Variants in FRMD4A observed in about 807,000 individuals in gnomAD.
The protein encoded by FRMD4A is FERM domain-containing protein 4A.
Under a neutral mutation model 129.1 loss-of-function variants are expected in FRMD4A, and 29 were observed. The observed-to-expected ratio is 0.22, with a 90% confidence interval of 0.17 to 0.31. The LOEUF (loss-of-function observed/expected upper bound fraction) is 0.31, where lower values mean the gene tolerates loss of function less well. Among genes scored for constraint, FRMD4A ranks in the 10% least tolerant of loss-of-function variants. The pLI is 1.00. For missense variants in FRMD4A, 1,272 were observed against 1,375.8 expected, an observed-to-expected ratio of 0.92 and a Z score of 1.19; for synonymous variants, 634 against 571.6, an observed-to-expected ratio of 1.11 and a Z score of -1.56.
chr10:14,122,372 A>C (rs937397571), intron 2 of FRMD4A, among the ~76,000 whole-genome samples: 1 of 152,190 alleles, frequency 6.6e-6, no homozygotes, highest in Non-Finnish European at 1.5e-5. Flanking sequence ...ATAATTGTAC[A>C]TACTCATGGG....
chr10:13,673,383 T>C (rs901636004), intron 16 of FRMD4A, among the ~76,000 whole-genome samples: 1 of 152,214 alleles, frequency 6.6e-6, no homozygotes, highest in Non-Finnish European at 1.5e-5. Context: ...TGTTTCATTC[T>C]TCCCGCTGCA....
At chr10:13,912,475 C>A (rs980180398) in intron 2 of FRMD4A, among the ~76,000 whole-genome samples, 1 of 151,412 alleles carries the variant, frequency 6.6e-6, no homozygotes, top group Non-Finnish European at 1.5e-5. Flanking sequence ...AATGTCCATC[C>A]GCTGATGAAC....
chr10:14,005,191 T>G (rs1187510576), intron 2 of FRMD4A, among the ~76,000 whole-genome samples: 2 of 152,030 alleles, frequency 1.3e-5, no homozygotes, highest in Non-Finnish European at 2.9e-5. Context: ...CCTGGCTAAT[T>G]TTTTTGTATT....
intron 2 of FRMD4A, among the ~76,000 whole-genome samples, chr10:13,976,227 T>A (rs2095541675): frequency 6.6e-6 from 1 of 152,138 alleles, no homozygotes; most frequent in Non-Finnish European, 1.5e-5. Flanking sequence ...TGGGGAAACA[T>A]CCCAAGGAGA....
chr10:14,244,297 G>A (rs569753323), intron 2 of FRMD4A, among the ~76,000 whole-genome samples: 5 of 152,130 alleles, frequency 3.3e-5, no homozygotes, highest in African/African-American at 1.2e-4. Flanking sequence ...CCTTCCAGGC[G>A]CCAGAATGCC....
chr10:14,033,306 CAAA>C (rs11312756), intron 2 of FRMD4A, among the ~76,000 whole-genome samples: 55 of 141,490 alleles, frequency 3.9e-4, no homozygotes, highest in South Asian at 1.1e-3. Context: ...GACTGTGTCT[CAAA>C]AAAAAAAAAA....
At chr10:13,899,515 C>T (rs1230475890) in intron 2 of FRMD4A, among the ~76,000 whole-genome samples, 1 of 152,090 alleles carries the variant, frequency 6.6e-6, no homozygotes. Flanking sequence ...TGAAGTGGGC[C>T]AGGTGTGGTG....
chr10:13,915,136 ACATTTTAAG>A (rs2094986059), intron 2 of FRMD4A, among the ~76,000 whole-genome samples: 1 of 152,230 alleles, frequency 6.6e-6, no homozygotes, highest in South Asian at 2.1e-4. Context: ...TTTCATGGCT[ACATTTTAAG>A]ACAGATGTTT....
chr10:14,296,401 C>T (rs574486056), intron 2 of FRMD4A, among the ~76,000 whole-genome samples: 3 of 152,156 alleles, frequency 2.0e-5, no homozygotes, highest in Non-Finnish European at 2.9e-5. Flanking sequence ...CTCCTGAGAA[C>T]AGCCCTCCTG....
chr10:14,033,835 A>G (rs1007192337), intron 2 of FRMD4A, among the ~76,000 whole-genome samples: 1 of 151,948 alleles, frequency 6.6e-6, no homozygotes, highest in African/African-American at 2.4e-5. Flanking sequence ...GAAAAAAAAG[A>G]AAAGAAAAGA....
intron 2 of FRMD4A, among the ~76,000 whole-genome samples, chr10:14,093,114 G>A (rs537368425): frequency 2.0e-5 from 3 of 152,170 alleles, no homozygotes; most frequent in South Asian, 2.1e-4. Context: ...TACAGAGGCC[G>A]TGGAATGACT....
At position 13,666,136 on chromosome 10, in the gene FRMD4A, C is replaced by T. The variant is rs770181080; in HGVS notation, c.1564G>A (p.Gly522Arg). 4.5e-5 allele frequency: 73 copies of T among 1,613,458 alleles called. 1 individual carries two copies. The South Asian group carries it at 7.9e-4, about 17-fold the overall frequency. Residue 522 changes from glycine to arginine, a missense_variant, in exon 18 of 25, where the codon GGG becomes AGG. This residue lies in a region of FRMD4A where 972 missense variants were observed against 892.3 expected (regional missense o/e 1.09). Coordinates refer to ENST00000357447, the MANE Select transcript of FRMD4A (RefSeq NM_018027.5). ...GAAGCCCTCTGGGTGGGTTTCTTCC[C>T]AGACTTGATGCGGTTCTCATTGATT... ...NAINENRIKSGKKPTQRASLI... is the reference protein window; with the variant it reads ...NAINENRIKSRKKPTQRASLI...
At chr10:13,927,054 G>A (rs1242676451) in intron 2 of FRMD4A, among the ~76,000 whole-genome samples, 1 of 152,160 alleles carries the variant, frequency 6.6e-6, no homozygotes, top group Non-Finnish European at 1.5e-5. Flanking sequence ...AGGACTTGAA[G>A]ACCAGCCTGG....
intron 2 of FRMD4A, among the ~76,000 whole-genome samples, chr10:13,998,609 A>G (rs772532005): frequency 3.9e-5 from 6 of 152,228 alleles, no homozygotes; most frequent in African/African-American, 1.4e-4. Context: ...AGTGGTTCCC[A>G]TCTTGGTAAG....
chr10:14,059,524 G>A (rs933773592), intron 2 of FRMD4A, among the ~76,000 whole-genome samples: 7 of 152,212 alleles, frequency 4.6e-5, no homozygotes, highest in Admixed American at 1.3e-4. Flanking sequence ...AGCAGACAGC[G>A]AGAAGGTGGC....
At chr10:13,973,300 C>T (rs191999368) in intron 2 of FRMD4A, among the ~76,000 whole-genome samples, 44 of 152,204 alleles carry the variant, frequency 2.9e-4, no homozygotes, top group African/African-American at 9.9e-4. Context: ...TCTTTTAATA[C>T]GTTTTCTCCT....
At chr10:14,217,342 C>T (rs1439028455) in intron 2 of FRMD4A, among the ~76,000 whole-genome samples, 1 of 152,138 alleles carries the variant, frequency 6.6e-6, no homozygotes. Context: ...AGTGGGAGAT[C>T]ACTGAATCAT....
At chr10:13,676,634 T>C (rs1014436789) in intron 15 of FRMD4A, among the ~76,000 whole-genome samples, 18 of 152,264 alleles carry the variant, frequency 1.2e-4, no homozygotes, top group African/African-American at 4.1e-4. Flanking sequence ...GGACAGGTGT[T>C]AGAGGCTGTG....
chr10:13,754,361 G>T (rs542907130), intron 8 of FRMD4A, among the ~76,000 whole-genome samples: 1 of 151,718 alleles, frequency 6.6e-6, no homozygotes, highest in Middle Eastern at 3.5e-3. Flanking sequence ...ACACTTGAAA[G>T]CTCCATCAAA....
Sources: gnomAD v4.1 joint callset for allele counts (sites outside exome capture counted in the v4.1 genomes callset) on GRCh38, gnomAD v4.1.1 for gene constraint, gnomAD v4.1.1 regional missense constraint, MANE v1.5 for transcripts, NCBI Gene and HGNC (gene_info 2026-07-23, HGNC 2026-07-21) for gene names.